ERBB4: variants seen among roughly 807,000 people sequenced by gnomAD.
ERBB4 encodes the protein erb-b2 receptor tyrosine kinase 4, also known as receptor tyrosine-protein kinase erbB-4.
A neutral mutation model predicts 158.0 loss-of-function variants in ERBB4; 42 were observed. The ratio of observed to expected loss-of-function variants is 0.27; its 90% CI spans 0.21 to 0.34. ERBB4 has a LOEUF of 0.34. Among genes scored for constraint, ERBB4 ranks in the 10% least tolerant of loss-of-function variants. ERBB4 has a pLI of 1.00. For missense variants in ERBB4, 1,333 were observed against 1,624.1 expected (o/e 0.82, Z 3.08); for synonymous variants, 583 against 558.7 (o/e 1.04, Z -0.61).
intron 2 of ERBB4, among the ~76,000 whole-genome samples, chr2:212,118,730 T>C (rs1396412755): frequency 1.3e-5 from 2 of 152,018 alleles, no homozygotes; most frequent in Admixed American, 1.3e-4. Flanking sequence ...TAAAAAAAAA[T>C]AGAAATTTTT....
intron 20 of ERBB4, among the ~76,000 whole-genome samples, chr2:211,464,464 A>C (rs1483626235): frequency 2.0e-5 from 3 of 152,158 alleles, no homozygotes; most frequent in East Asian, 3.9e-4. Flanking sequence ...AACAAAATTG[A>C]AGGCTAAATA....
At chr2:212,519,110 C>A (rs1300140147) in intron 1 of ERBB4, among the ~76,000 whole-genome samples, 1 of 151,996 alleles carries the variant, frequency 6.6e-6, no homozygotes, top group Non-Finnish European at 1.5e-5. Context: ...AAAACCTAAA[C>A]TGCGTTTCTA....
chr2:212,443,738 C>T (rs911211835), intron 1 of ERBB4, among the ~76,000 whole-genome samples: 1 of 152,186 alleles, frequency 6.6e-6, no homozygotes, highest in African/African-American at 2.4e-5. Context: ...AATAGGGATG[C>T]TGTATGAAGC....
Position 212,113,995 on chromosome 2 carries a change from C to T in ERBB4, c.234+10757G>A, listed in dbSNP as rs1045539092. On this transcript the variant is annotated intron_variant, in intron 2 of 27. Transcript: ENST00000342788. ...GTCATAAATAAAAGAATTCTTATGG[C>T]TATAAAATTTGCTTACTTATTTATT... 2.0e-5 allele frequency among the ~76,000 whole-genome samples: 3 copies of T among 152,036 alleles called. No homozygotes were observed. The East Asian group carries it at 5.8e-4, about 29-fold the overall frequency.
intron 2 of ERBB4, among the ~76,000 whole-genome samples, chr2:212,046,734 T>G (rs1324491958): frequency 6.6e-6 from 1 of 152,276 alleles, no homozygotes; most frequent in African/African-American, 2.4e-5. Context: ...ATCTATCAGA[T>G]GTAATGGAAA....
intron 1 of ERBB4, among the ~76,000 whole-genome samples, chr2:212,522,193 G>A (rs975823446): frequency 6.6e-6 from 1 of 151,980 alleles, no homozygotes; most frequent in Non-Finnish European, 1.5e-5. Context: ...CCATTTGCAA[G>A]TTATTTAATT....
intron 1 of ERBB4, among the ~76,000 whole-genome samples, chr2:212,270,591 C>T (rs758084371): frequency 2.0e-5 from 3 of 151,710 alleles, no homozygotes; most frequent in Non-Finnish European, 4.4e-5. Flanking sequence ...TTGCCAGAAA[C>T]GACACTATGC....
At chr2:212,378,871 A>G (rs189641779) in intron 1 of ERBB4, among the ~76,000 whole-genome samples, 1 of 151,940 alleles carries the variant, frequency 6.6e-6, no homozygotes, top group East Asian at 1.9e-4. Flanking sequence ...TTCTGATACT[A>G]ATAAACTATT....
chr2:211,762,228 A>G (rs1294684998), intron 4 of ERBB4, among the ~76,000 whole-genome samples: 3 of 152,206 alleles, frequency 2.0e-5, no homozygotes, highest in Non-Finnish European at 4.4e-5. Flanking sequence ...ACAGGGTTGA[A>G]ATGATCAGTA....
At chr2:212,398,091 G>A in intron 1 of ERBB4, among the ~76,000 whole-genome samples, 1 of 118,960 alleles carries the variant, frequency 8.4e-6, no homozygotes, top group East Asian at 2.0e-4. Context: ...AATATAACCT[G>A]ATACATATAT....
At chr2:212,461,137 T>A (rs1025125573) in intron 1 of ERBB4, among the ~76,000 whole-genome samples, 2 of 152,128 alleles carry the variant, frequency 1.3e-5, no homozygotes, top group Non-Finnish European at 2.9e-5. Context: ...GAACCCCCCC[T>A]CCACAGAGTC....
At chr2:212,281,566 T>C (rs2085760906) in intron 1 of ERBB4, among the ~76,000 whole-genome samples, 1 of 151,770 alleles carries the variant, frequency 6.6e-6, no homozygotes, top group Non-Finnish European at 1.5e-5. Context: ...GTTCCAGCCA[T>C]TTGGGTCACT....
At chr2:212,426,409 TC>T in intron 1 of ERBB4, 1 of 432,514 alleles carries the variant, frequency 2.3e-6, no homozygotes, top group South Asian at 1.8e-5. Flanking sequence ...CACATTTTCT[TC>T]TAAATGTATA....
chr2:212,273,358 C>T (rs1020893039), intron 1 of ERBB4, among the ~76,000 whole-genome samples: 2 of 151,868 alleles, frequency 1.3e-5, no homozygotes, highest in East Asian at 3.9e-4. Flanking sequence ...CTATTCAATA[C>T]ATTGAATTTT....
intron 1 of ERBB4, among the ~76,000 whole-genome samples, chr2:212,322,653 A>G (rs2087620999): frequency 6.7e-6 from 1 of 150,028 alleles, no homozygotes; most frequent in African/African-American, 2.4e-5. Flanking sequence ...CCCTGGCCAC[A>G]TGCTCATGCA....
At chr2:212,382,273 CAT>C (rs2090529203) in intron 1 of ERBB4, among the ~76,000 whole-genome samples, 1 of 149,798 alleles carries the variant, frequency 6.7e-6, no homozygotes, top group African/African-American at 2.4e-5. Context: ...ATACTATACA[CAT>C]ATATTCATAC....
intron 3 of ERBB4, among the ~76,000 whole-genome samples, chr2:211,838,622 G>A (rs893801460): frequency 2.6e-5 from 4 of 152,102 alleles, no homozygotes; most frequent in Non-Finnish European, 4.4e-5. Flanking sequence ...TTCTGCTTAT[G>A]TGGGTATGTC....
At chr2:212,501,451 A>C (rs1690882055) in intron 1 of ERBB4, among the ~76,000 whole-genome samples, 2 of 151,724 alleles carry the variant, frequency 1.3e-5, no homozygotes, top group African/African-American at 2.4e-5. Flanking sequence ...TGGATAAGTC[A>C]AACAATAGCT....
intron 1 of ERBB4, among the ~76,000 whole-genome samples, chr2:212,204,321 T>C (rs1466341443): frequency 6.6e-6 from 1 of 152,258 alleles, no homozygotes; most frequent in African/African-American, 2.4e-5. Context: ...AATATTATTT[T>C]GTTTTAAACT....
Sources: allele counts gnomAD v4.1 joint callset (sites outside exome capture counted in the v4.1 genomes callset), GRCh38; gene constraint gnomAD v4.1.1; transcripts MANE v1.5; gene names NCBI Gene and HGNC (gene_info 2026-07-23, HGNC 2026-07-21).